Variants in TAP1 observed in about 807,000 individuals in gnomAD.
The protein encoded by TAP1 is antigen peptide transporter 1.
A neutral mutation model predicts 79.3 loss-of-function variants in TAP1; 56 were observed. The ratio of observed to expected loss-of-function variants is 0.71; its 90% confidence interval spans 0.57 to 0.88. The LOEUF is 0.88. Ranked by LOEUF, TAP1 falls within the 40% of genes least tolerant of loss-of-function variation. The pLI is 0.00. For missense variants in TAP1, 737 were observed against 936.3 expected (o/e 0.79, Z 2.78); for synonymous variants, 355 against 401.4 (o/e 0.88, Z 1.38).
In TAP1 at chr6:32,849,194, T is replaced by C. The variant is rs1448578301; in HGVS notation, c.1249-76A>G. On this transcript the variant is annotated intron_variant, in intron 5 of 10. Coordinates refer to ENST00000354258, the MANE Select transcript of TAP1 (RefSeq NM_000593.6). ...ACACAAAGAACCGCAGTCATTAACC[T>C]GAAGGAAATATCAAGTCCCTGTCTC... is the stretch of plus-strand genomic sequence containing the variant. 3.9e-6 allele frequency: 6 copies of C among 1,531,442 alleles called. No individual in the cohort carries two copies. In the South Asian group the frequency reaches 7.2e-5, roughly 18 times the overall value. 94.9% of individuals were successfully genotyped at this position (1,531,442 alleles called of 1,614,324 possible).
chr6:32,852,255 A>G lies in TAP1; in HGVS notation c.714-16T>C, dbSNP rs1582641464. The stretch of plus-strand genomic sequence containing the variant: ...CAGCACTGCACTATAAAGAACCCGG[A>G]AAAAAAGGGGATCAGGGTGTGTTCA... On this transcript the variant is annotated splice_polypyrimidine_tract_variant and intron_variant, in intron 2 of 10. Transcript: ENST00000354258. This position sits in a 1 kb window ranked among gnomAD's most constrained non-coding sequence, Gnocchi z 4.8. 3 of 1,611,424 alleles carry G rather than the reference A, an allele frequency of 1.9e-6. No individual in the cohort carries two copies. Among genetic ancestry groups the G allele is most frequent in the South Asian group, 1.1e-5 (1 of 90,966 alleles).
At chr6:32,848,206 A>G (rs377233560) in intron 7 of TAP1, 114 bp from the exon 8 acceptor site, 20 of 1,347,054 alleles carry the variant, frequency 1.5e-5, no homozygotes, top group Non-Finnish European at 1.6e-5. Context: ...AGGGAAATAT[A>G]GAAACTCCTA....
At position 32,847,145 on chromosome 6, in the gene TAP1, G is replaced by A. The variant is rs375324960; in HGVS notation, c.1963C>T (p.Arg655Ter). 7.4e-6 allele frequency: 12 copies of A among 1,612,718 alleles called. No homozygotes were observed. Among genetic ancestry groups the A allele is most frequent in the African/African-American group, 6.7e-5 (5 of 74,922 alleles). ...ACACACGGTTTCCGGATCAATGCTC[G>A]GGCCAACGCCACTGCCTGTCGCTGA... ...GGQRQAVALA[R>*]ALIRKPCVLI... is the part of the protein sequence containing the mutation. The change falls in exon 10 of 11, where the codon CGA becomes TGA. Residue 655 changes from arginine to a stop codon, truncating the protein, a stop_gained. Coordinates refer to ENST00000354258, the MANE Select transcript of TAP1 (RefSeq NM_000593.6). LOFTEE classifies it high-confidence loss of function. This position sits in a 1 kb window ranked among gnomAD's most constrained non-coding sequence, Gnocchi z 4.7.
chr6:32,853,378 C>T lies in TAP1; in HGVS notation c.259G>A (p.Ala87Thr). 1 of 1,603,290 alleles carries T rather than the reference C, an allele frequency of 6.2e-7. No homozygotes were observed. Among genetic ancestry groups the T allele is most frequent in the Non-Finnish European group, 8.5e-7 (1 of 1,175,462 alleles). Residue 87 changes from alanine (A) to threonine (T), a missense_variant, in exon 1 of 11, where the codon GCA becomes ACA. Transcript: ENST00000354258. The surrounding 1 kb of genome is among the most constrained non-coding windows in gnomAD (Gnocchi z 8.3). ...GCAGCCAGCCAGCCCTGGGCACCTG[C>T]GTTTTCGCTCTTGGAGCCAACCGTT... The part of the protein sequence containing the change: ...RATVGSKSEN[A>T]GAQGWLAALK...
At position 32,850,651 on chromosome 6, in the gene TAP1, T is replaced by C. The variant is rs1770724498; in HGVS notation, c.1051-134A>G. On this transcript the variant is annotated intron_variant, in intron 4 of 10. Transcript: ENST00000354258. The surrounding 1 kb of genome is among the most constrained non-coding windows in gnomAD (Gnocchi z 5.5). Reference sequence around the variant, plus strand: ...GAGAAAAGAGAAAGAGACACAGCTATGCCCCTTGGATGCTAAAGAAATACG... The same window carrying C: ...GAGAAAAGAGAAAGAGACACAGCTACGCCCCTTGGATGCTAAAGAAATACG... The C allele has an allele frequency of 1.2e-6, 1 of 839,148 alleles. No homozygotes were observed. Among genetic ancestry groups the C allele is most frequent in the Non-Finnish European group, 2.0e-6 (1 of 511,464 alleles). 52.0% of individuals were successfully genotyped at this position (839,148 alleles called of 1,614,324 possible). A position where few individuals can be genotyped will look rare whatever the true frequency, so the allele number is the denominator to read the frequency against.
chr6:32,847,021 A>C lies in TAP1; in HGVS notation c.2040+47T>G. The C allele has an allele frequency of 6.2e-7, 1 of 1,607,684 alleles. No individual in the cohort carries two copies. The highest frequency in any genetic ancestry group is 1.7e-5 in the Admixed American group (1 of 60,036). On this transcript the variant is annotated intron_variant, in intron 10 of 10. Transcript: ENST00000354258. The surrounding 1 kb of genome is among the most constrained non-coding windows in gnomAD (Gnocchi z 4.7). ...AAAACTAACAGAAGATGTATAAAAGAAGCAAGATTGGGTGGGATATAGCCA... is the reference window on the plus strand; with the variant it reads ...AAAACTAACAGAAGATGTATAAAAGCAGCAAGATTGGGTGGGATATAGCCA...
chr6:32,851,172 G>T lies in TAP1; in HGVS notation c.845-23C>A. 6.2e-7 allele frequency: 1 copy of T among 1,610,268 alleles called. No individual in the cohort carries two copies. Among genetic ancestry groups the T allele is most frequent in the Non-Finnish European group, 8.5e-7 (1 of 1,177,844 alleles). On this transcript the variant is annotated intron_variant, in intron 3 of 10. Coordinates refer to ENST00000354258, the MANE Select transcript of TAP1 (RefSeq NM_000593.6). The surrounding 1 kb of genome is among the most constrained non-coding windows in gnomAD (Gnocchi z 4.8). The stretch of plus-strand genomic sequence containing the variant: ...TACCTGCAGGGTTGGGGAGAAGAGA[G>T]TGAGGTGAATCAGACAGGTTCCAAG...
In TAP1 at chr6:32,847,605, G is replaced by C. The variant is rs1307327727; in HGVS notation, c.1811C>G (p.Thr604Ser). ...SLQENIAYGLTQKPTMEEITA... is the reference protein window; with the variant it reads ...SLQENIAYGLSQKPTMEEITA... The stretch of plus-strand genomic sequence containing the variant: ...GATTTCCTCCATAGTTGGCTTCTGG[G>C]TCAGGCCATAGGCAATATTTTCTTG... The change falls in exon 9 of 11, where the codon ACC becomes AGC. Residue 604 changes from threonine to serine, a missense_variant. Coordinates refer to ENST00000354258, the MANE Select transcript of TAP1 (RefSeq NM_000593.6). This position sits in a 1 kb window ranked among gnomAD's most constrained non-coding sequence, Gnocchi z 4.7. The C allele has an allele frequency of 6.2e-7, 1 of 1,614,052 alleles. No homozygotes were observed. The highest frequency in any genetic ancestry group is 1.7e-5 in the Admixed American group (1 of 60,020).
At position 32,847,567 on chromosome 6, in the gene TAP1, C is replaced by T; in HGVS notation, c.1849G>A (p.Val617Ile). ...ATGAAACTATGGGCCCCAGACTTTA[C>T]TGCAGCAGCTGTGATTTCCTCCATA... is the stretch of plus-strand genomic sequence containing the variant. ...PTMEEITAAA[V>I]KSGAHSFISG... The change falls in exon 9 of 11, where the codon GTA becomes ATA. Residue 617 changes from valine (V) to isoleucine (I), a missense_variant. Val to Ile is a conservative substitution (Grantham distance 29). This residue lies in a region of TAP1 where 266 missense variants were observed against 332.4 expected (regional missense o/e 0.80). Transcript: ENST00000354258. The surrounding 1 kb of genome is among the most constrained non-coding windows in gnomAD (Gnocchi z 4.7). 1 of 1,614,048 alleles carries T rather than the reference C, an allele frequency of 6.2e-7. No individual in the cohort carries two copies. Among genetic ancestry groups the T allele is most frequent in the Non-Finnish European group, 8.5e-7 (1 of 1,180,032 alleles).
Position 32,850,021 on chromosome 6 carries a change from C to T in TAP1, c.1248+299G>A. ...GTCCCAGGTGCAAGAATTTATGGCG[C>T]CCTGCACTTCCCCTGAGAGGCAAAG... On this transcript the variant is annotated intron_variant, in intron 5 of 10. Coordinates refer to ENST00000354258, the MANE Select transcript of TAP1 (RefSeq NM_000593.6). This position sits in a 1 kb window ranked among gnomAD's most constrained non-coding sequence, Gnocchi z 5.5. 1.9e-6 allele frequency: 1 copy of T among 517,812 alleles called. No homozygotes were observed. Among genetic ancestry groups the T allele is most frequent in the Non-Finnish European group, 3.5e-6 (1 of 285,952 alleles). The allele number at this position is 517,812 out of a possible 1,614,324, so 32.1% of individuals were successfully genotyped here.
rs2127391550 is a variant in TAP1 at position 32,851,599 on chromosome 6, C to A, written c.845-450G>T. On this transcript the variant is annotated intron_variant, in intron 3 of 10. Transcript: ENST00000354258. The surrounding 1 kb of genome is among the most constrained non-coding windows in gnomAD (Gnocchi z 4.8). ...ATATGTAACTGTACAGCTTCTAGTG[C>A]TGCTAGAAAGCATGCCGAAGTCTGT... 6.6e-6 allele frequency among the ~76,000 whole-genome samples: 1 copy of A among 152,290 alleles called. No homozygotes were observed. Among genetic ancestry groups the A allele is most frequent in the African/African-American group, 2.4e-5 (1 of 41,556 alleles).
Position 32,851,939 on chromosome 6 carries a change from G to GAC in TAP1, c.844+169_844+170insGT, listed in dbSNP as rs1554246382. ...TGTGTGTGTGTGAGAGAGAGAGAGA[G>GAC]AGAGACAGAGACAGAGAGAGAGAGA... On this transcript the variant is annotated intron_variant, in intron 3 of 10. Transcript: ENST00000354258. The surrounding 1 kb of genome is among the most constrained non-coding windows in gnomAD (Gnocchi z 4.8). Among the ~76,000 whole-genome samples the GAC allele has an allele frequency of 6.6e-6, 1 of 151,276 alleles. No homozygotes were observed. Among genetic ancestry groups the GAC allele is most frequent in the Non-Finnish European group, 1.5e-5 (1 of 67,802 alleles).
chr6:32,849,425 A>G, intron 5 of TAP1: 1 of 467,670 alleles, frequency 2.1e-6, no homozygotes, highest in Non-Finnish European at 3.9e-6. Flanking sequence ...AAAGAAGGTT[A>G]TATCACTCCA....
Position 32,852,864 on chromosome 6 carries a change from C to T in TAP1, c.598+175G>A, listed in dbSNP as rs1006055007. 36 of 1,440,278 alleles carry T rather than the reference C, an allele frequency of 2.5e-5. No individual in the cohort carries two copies. The African/African-American group carries it at 4.9e-4, about 19-fold the overall frequency. The allele number at this position is 1,440,278 out of a possible 1,614,324, so 89.2% of individuals were successfully genotyped here. Reference sequence around the variant, plus strand: ...AATGGAGCCCAGAACCTCTGGCCCCCGCCAGTCCAGTGCCGTTTCTTCTAC... The same window carrying T: ...AATGGAGCCCAGAACCTCTGGCCCCTGCCAGTCCAGTGCCGTTTCTTCTAC... On this transcript the variant is annotated intron_variant, in intron 1 of 10. Coordinates refer to ENST00000354258, the MANE Select transcript of TAP1 (RefSeq NM_000593.6). The surrounding 1 kb of genome is among the most constrained non-coding windows in gnomAD (Gnocchi z 4.8).
Position 32,847,878 on chromosome 6 carries a change from T to G in TAP1, c.1740+41A>C, listed in dbSNP as rs896539632. ...TGCTCAGTAAGAATGCTCTTCGTAT[T>G]TGATGCTCCCTGCCCTCCTTCAAGC... On this transcript the variant is annotated intron_variant, in intron 8 of 10. Coordinates refer to ENST00000354258, the MANE Select transcript of TAP1 (RefSeq NM_000593.6). This position sits in a 1 kb window ranked among gnomAD's most constrained non-coding sequence, Gnocchi z 4.7. 1 of 1,612,958 alleles carries G rather than the reference T, an allele frequency of 6.2e-7. No homozygotes were observed. The highest frequency in any genetic ancestry group is 8.5e-7 in the Non-Finnish European group (1 of 1,179,814).
rs1012772990 is a variant in TAP1 at position 32,847,945 on chromosome 6, A to G, written c.1714T>C (p.Tyr572His). The change falls in exon 8 of 11, where the codon TAT becomes CAT. Residue 572 changes from tyrosine (Y) to histidine (H), a missense_variant. Tyr to His is a moderately conservative substitution (Grantham distance 83). This residue lies in a region of TAP1 where 266 missense variants were observed against 332.4 expected (regional missense o/e 0.80). Transcript: ENST00000354258. This position sits in a 1 kb window ranked among gnomAD's most constrained non-coding sequence, Gnocchi z 4.7. The stretch of plus-strand genomic sequence containing the variant: ...TGCCTGTGCAGGTAGCGGTGCTCAT[A>G]TTGGGGAAGGGGCTTCCCATCCAAC... ...LLLDGKPLPQYEHRYLHRQVA... is the reference protein window; with the variant it reads ...LLLDGKPLPQHEHRYLHRQVA... 3.1e-6 allele frequency: 5 copies of G among 1,612,874 alleles called. No individual in the cohort carries two copies. The African/African-American group carries it at 6.7e-5, about 22-fold the overall frequency.
In TAP1 at chr6:32,851,977, A is replaced by G; in HGVS notation, c.844+132T>C. The G allele has an allele frequency of 1.8e-6, 2 of 1,129,108 alleles. No individual in the cohort carries two copies. The highest frequency in any genetic ancestry group is 1.3e-6 in the Non-Finnish European group (1 of 767,420). The allele number at this position is 1,129,108 out of a possible 1,614,324, so 69.9% of individuals were successfully genotyped here. On this transcript the variant is annotated intron_variant, in intron 3 of 10. Coordinates refer to ENST00000354258, the MANE Select transcript of TAP1 (RefSeq NM_000593.6). This position sits in a 1 kb window ranked among gnomAD's most constrained non-coding sequence, Gnocchi z 4.8. Reference sequence around the variant, plus strand: ...AGAGAGAGAGAGACAGGGAGAGGGTATATCAAGAATGAGAAGGAACAATGT... The same window carrying G: ...AGAGAGAGAGAGACAGGGAGAGGGTGTATCAAGAATGAGAAGGAACAATGT...
At position 32,847,134 on chromosome 6, in the gene TAP1, G is replaced by T. The variant is rs1279685963; in HGVS notation, c.1974C>A (p.Ile658=). 1 of 1,612,840 alleles carries T rather than the reference G, an allele frequency of 6.2e-7. No homozygotes were observed. The highest frequency in any genetic ancestry group is 1.3e-5 in the African/African-American group (1 of 74,932). ...RQAVALARAL[I]RKPCVLILDD... is the part of the protein sequence containing the mutation. ...CCAGGATAAGTACACACGGTTTCCG[G>T]ATCAATGCTCGGGCCAACGCCACTG... The change falls in exon 10 of 11, where the codon ATC becomes ATA. Residue 658 remains isoleucine, a synonymous_variant. Coordinates refer to ENST00000354258, the MANE Select transcript of TAP1 (RefSeq NM_000593.6). This position sits in a 1 kb window ranked among gnomAD's most constrained non-coding sequence, Gnocchi z 4.7.
chr6:32,847,975 G>C lies in TAP1; in HGVS notation c.1684C>G (p.Leu562Val), dbSNP rs1234620829. The stretch of plus-strand genomic sequence containing the variant: ...GGAAGGGGCTTCCCATCCAACAGCA[G>C]CTGTCCCCCGGTGGGCTGGTACAGA... ...QNLYQPTGGQLLLDGKPLPQY... is the reference protein window; with the variant it reads ...QNLYQPTGGQVLLDGKPLPQY... The change falls in exon 8 of 11, where the codon CTG (leucine) becomes GTG (valine). Residue 562 changes from leucine to valine, a missense_variant. By Grantham distance (32) the Leu-to-Val change is conservative. Around this residue, in one of 5 missense-constraint regions of TAP1, gnomAD observed 266 missense variants for 332.4 expected, o/e 0.80. Coordinates refer to ENST00000354258, the MANE Select transcript of TAP1 (RefSeq NM_000593.6). This position sits in a 1 kb window ranked among gnomAD's most constrained non-coding sequence, Gnocchi z 4.7. 1 of 1,613,118 alleles carries C rather than the reference G, an allele frequency of 6.2e-7. No individual in the cohort carries two copies. The highest frequency in any genetic ancestry group is 1.1e-5 in the South Asian group (1 of 91,078).
Sources: allele counts gnomAD v4.1 joint callset (sites outside exome capture counted in the v4.1 genomes callset), GRCh38; gene constraint gnomAD v4.1.1; regional missense constraint gnomAD v4.1.1; non-coding constraint Gnocchi (gnomAD v3.1); transcripts MANE v1.5; gene names NCBI Gene and HGNC (gene_info 2026-07-23, HGNC 2026-07-21).